Variants in IFIH1 observed in about 807,000 individuals in gnomAD.
The protein encoded by IFIH1 is interferon induced with helicase C domain 1.
IFIH1 carries 125 observed loss-of-function variants against 107.4 expected under a neutral mutation model. The observed-to-expected ratio is 1.16, with a 90% CI of 1.01 to 1.35. The LOEUF is 1.35. Among genes scored for constraint, IFIH1 ranks in the 40% most tolerant of loss-of-function variants. The pLI, the probability that IFIH1 is intolerant of heterozygous loss-of-function variation, is 0.00. For missense variants in IFIH1, 1,333 were observed against 1,213.7 expected (o/e 1.10, Z -1.46); for synonymous variants, 458 against 413.2 (o/e 1.11, Z -1.31).
chr2:162,299,583 C>CA (rs1325973676), intron 3 of IFIH1, among the ~76,000 whole-genome samples: 4 of 152,042 alleles, frequency 2.6e-5, no homozygotes, highest in Non-Finnish European at 4.4e-5. Context: ...TGGGGTCTTA[C>CA]AAGCCAGTAA....
At chr2:162,280,206 A>G (rs1169887333) in intron 7 of IFIH1, 94 bp from the exon 8 acceptor site, 2 of 712,840 alleles carry the variant, frequency 2.8e-6, no homozygotes, top group Non-Finnish European at 2.5e-6. Flanking sequence ...AATATGTAGC[A>G]TTAAATTGTA....
chr2:162,271,803 T>G (rs887188853), intron 13 of IFIH1, among the ~76,000 whole-genome samples: 2 of 151,974 alleles, frequency 1.3e-5, no homozygotes. Flanking sequence ...GCAGCAGGAG[T>G]CTTATGTGTT....
Position 162,281,440 on chromosome 2 carries a change from A to G in IFIH1, c.1412T>C (p.Leu471Pro). The G allele has an allele frequency of 6.2e-7, 1 of 1,612,534 alleles. No homozygotes were observed. Among genetic ancestry groups the G allele is most frequent in the Non-Finnish European group, 8.5e-7 (1 of 1,179,012 alleles). ...AATCACTGGTTTGTTTTCTTTCTTG[A>G]GTCTATTGTTTTTCAACTTCTGCAT... ...YLMQKLKNNR[L>P]KKENKPVIPL... The change falls in exon 7 of 16, where the codon CTC (leucine) becomes CCC (proline). Residue 471 changes from leucine to proline, a missense_variant. Coordinates refer to ENST00000649979, the MANE Select transcript of IFIH1 (RefSeq NM_022168.4).
At chr2:162,269,964 C>T (rs956113246) in intron 13 of IFIH1, among the ~76,000 whole-genome samples, 1 of 151,984 alleles carries the variant, frequency 6.6e-6, no homozygotes, top group African/African-American at 2.4e-5. Flanking sequence ...AAGACATTTA[C>T]AGTTCAATGA....
intron 8 of IFIH1, among the ~76,000 whole-genome samples, chr2:162,279,105 T>A (rs1682763236): frequency 6.6e-6 from 1 of 152,086 alleles, no homozygotes; most frequent in South Asian, 2.1e-4. Flanking sequence ...GTTTTAAAAA[T>A]CTTTATGAGT....
At chr2:162,314,422 T>C (rs1223902447) in intron 1 of IFIH1, among the ~76,000 whole-genome samples, 1 of 87,900 alleles carries the variant, frequency 1.1e-5, no homozygotes, top group Non-Finnish European at 2.1e-5. Context: ...TTTCTTTTCT[T>C]TCTTTCTTTC....
Position 162,298,788 on chromosome 2 carries a change from G to A in IFIH1, c.770-5120C>T, listed in dbSNP as rs1444861515. ...GATCTACACACACACGCACGCGCGC[G>A]CGCACACACACACACACACACACTC... On this transcript the variant is annotated intron_variant, in intron 3 of 15. Coordinates refer to ENST00000649979, the MANE Select transcript of IFIH1 (RefSeq NM_022168.4). 4.0e-5 allele frequency among the ~76,000 whole-genome samples: 6 copies of A among 149,546 alleles called. No individual in the cohort carries two copies. The South Asian group carries it at 6.3e-4, about 16-fold the overall frequency.
chr2:162,313,934 A>G (rs1048050639), intron 1 of IFIH1, among the ~76,000 whole-genome samples: 14 of 152,146 alleles, frequency 9.2e-5, no homozygotes, highest in Admixed American at 8.5e-4. Flanking sequence ...GACTGTTCTT[A>G]GGTGGACTAG....
intron 10 of IFIH1, among the ~76,000 whole-genome samples, chr2:162,277,190 A>G (rs1039425384): frequency 2.0e-5 from 3 of 152,210 alleles, no homozygotes; most frequent in Non-Finnish European, 4.4e-5. Context: ...GGTTTAATAA[A>G]TAAATTCATT....
At position 162,267,379 on chromosome 2, in the gene IFIH1, C is replaced by T. The variant is rs749488690; in HGVS notation, c.2899G>A (p.Ala967Thr). ...TTGTGCACCATCATTGTTCCCCAAG[C>T]CTGGAAAACAAAAGAGAGAGCAAGA... ...NGEIICKCGQ[A>T]WGTMMVHKGL... Residue 967 changes from alanine (A) to threonine (T), a missense_variant and splice_region_variant, in exon 16 of 16, where the codon GCT becomes ACT. Transcript: ENST00000649979. 2 of 1,613,816 alleles carry T rather than the reference C, an allele frequency of 1.2e-6. No homozygotes were observed. Among genetic ancestry groups the T allele is most frequent in the Admixed American group, 3.3e-5 (2 of 59,960 alleles).
chr2:162,287,210 G>A (rs1468015990), intron 5 of IFIH1, among the ~76,000 whole-genome samples: 1 of 151,800 alleles, frequency 6.6e-6, no homozygotes, highest in African/African-American at 2.4e-5. Context: ...TGGATTCTAA[G>A]TACTGAAAAA....
Position 162,276,804 on chromosome 2 carries a change from C to G in IFIH1, c.2187G>C (p.Gln729His). ...ARGIIFTKTRQSAYALSQWIT... is the reference protein window; with the variant it reads ...ARGIIFTKTRHSAYALSQWIT... ...TCCACTGGGAAAGCGCATATGCACT[C>G]TGTCGTGTTTTTGTAAAGATTATTC... The change falls in exon 11 of 16, where the codon CAG becomes CAC. Residue 729 changes from glutamine to histidine, a missense_variant. Transcript: ENST00000649979. The G allele has an allele frequency of 6.2e-7, 1 of 1,614,030 alleles. No homozygotes were observed. The highest frequency in any genetic ancestry group is 8.5e-7 in the Non-Finnish European group (1 of 1,179,950).
intron 4 of IFIH1, among the ~76,000 whole-genome samples, chr2:162,289,540 T>C (rs1682960203): frequency 6.6e-6 from 1 of 151,950 alleles, no homozygotes; most frequent in South Asian, 2.1e-4. Context: ...CTTCTTTTTC[T>C]TATCAATGTT....
intron 2 of IFIH1, among the ~76,000 whole-genome samples, chr2:162,308,537 C>T (rs1371432322): frequency 1.3e-5 from 2 of 152,100 alleles, no homozygotes; most frequent in East Asian, 1.9e-4. Context: ...TGCCACCACC[C>T]CAGCTAATTT....
intron 5 of IFIH1, among the ~76,000 whole-genome samples, chr2:162,286,140 G>C (rs1032895093): frequency 3.3e-5 from 5 of 151,934 alleles, no homozygotes; most frequent in African/African-American, 1.2e-4. Context: ...AATGATGACA[G>C]GTTTAGAAAC....
chr2:162,278,394 T>C (rs1682744767), intron 8 of IFIH1, 66 bp from the exon 9 acceptor site: 2 of 847,912 alleles, frequency 2.4e-6, no homozygotes, highest in Non-Finnish European at 3.6e-6. Context: ...TTATCTTTGT[T>C]AGAATAATTT....
intron 3 of IFIH1, among the ~76,000 whole-genome samples, chr2:162,303,351 G>A (rs1413471759): frequency 6.6e-6 from 1 of 152,114 alleles, no homozygotes; most frequent in African/African-American, 2.4e-5. Flanking sequence ...CCTGGCCTCA[G>A]GTGATCCACC....
Position 162,288,333 on chromosome 2 carries a change from T to C in IFIH1, c.897A>G (p.Arg299=). 7 of 1,612,486 alleles carry C rather than the reference T, an allele frequency of 4.3e-6. No individual in the cohort carries two copies. The highest frequency in any genetic ancestry group is 5.9e-6 in the Non-Finnish European group (7 of 1,179,044). The change falls in exon 5 of 16, where the codon AGA becomes AGG. Residue 299 remains arginine, a synonymous_variant. Transcript: ENST00000649979. ...GCTGGAGTTCTGGCTCCGGGGATGC[T>C]CTTGCTGCCACATTCTCTTCATCTG... The part of the protein sequence containing the change: ...SDSDEENVAA[R]ASPEPELQLR...
chr2:162,269,872 C>A (rs1691001013), intron 13 of IFIH1, among the ~76,000 whole-genome samples: 1 of 152,070 alleles, frequency 6.6e-6, no homozygotes, highest in South Asian at 2.1e-4. Context: ...AGACAAGTAC[C>A]AAGATTAATT....
Sources: gnomAD v4.1 joint callset for allele counts (sites outside exome capture counted in the v4.1 genomes callset) on GRCh38, gnomAD v4.1.1 for gene constraint, MANE v1.5 for transcripts, NCBI Gene and HGNC (gene_info 2026-07-23, HGNC 2026-07-21) for gene names.